The following MDGA2 variants were observed in gnomAD, a reference collection of about 807,000 sequenced individuals.
The protein encoded by MDGA2 is MAM domain containing glycosylphosphatidylinositol anchor 2.
A neutral mutation model predicts 117.8 loss-of-function variants in MDGA2; 40 were observed. That is an observed-to-expected ratio of 0.34 (90% CI 0.26 to 0.44). The LOEUF (loss-of-function observed/expected upper bound fraction) is 0.44, where lower values mean the gene tolerates loss of function less well. Ranked by LOEUF, MDGA2 falls within the 20% of genes least tolerant of loss-of-function variation. The pLI is 1.00. For missense variants in MDGA2, 1,123 were observed against 1,250.6 expected, an observed-to-expected ratio of 0.90 and a Z score of 1.54; for synonymous variants, 452 against 439.0, an observed-to-expected ratio of 1.03 and a Z score of -0.37.
At chr14:47,329,080 T>G (rs1478858778) in intron 1 of MDGA2, among the ~76,000 whole-genome samples, 1 of 152,102 alleles carries the variant, frequency 6.6e-6, no homozygotes, top group Non-Finnish European at 1.5e-5. Flanking sequence ...TGTTATAAAC[T>G]AGGGGGAAAA....
chr14:47,191,660 T>C (rs1885116933), intron 3 of MDGA2, among the ~76,000 whole-genome samples: 1 of 152,084 alleles, frequency 6.6e-6, no homozygotes, highest in Admixed American at 6.6e-5. Context: ...AAGAATAATA[T>C]AAATTTTCCC....
intron 1 of MDGA2, among the ~76,000 whole-genome samples, chr14:47,407,391 G>T (rs985113975): frequency 6.6e-6 from 1 of 152,068 alleles, no homozygotes; most frequent in African/African-American, 2.4e-5. Flanking sequence ...TACTAATAAT[G>T]CAGTAATCAT....
At chr14:47,499,261 G>C (rs1001891979) in intron 1 of MDGA2, among the ~76,000 whole-genome samples, 2 of 152,086 alleles carry the variant, frequency 1.3e-5, no homozygotes, top group East Asian at 3.9e-4. Context: ...CTTAAATCCC[G>C]AGCAAATCTT....
chr14:47,670,309 T>A (rs1285764227), intron 1 of MDGA2, among the ~76,000 whole-genome samples: 2 of 152,210 alleles, frequency 1.3e-5, no homozygotes, highest in Non-Finnish European at 2.9e-5. Context: ...TTGTATTTTG[T>A]TTTTTGTTTG....
chr14:47,653,498 A>T (rs554521740), intron 1 of MDGA2, among the ~76,000 whole-genome samples: 5 of 152,152 alleles, frequency 3.3e-5, no homozygotes, highest in South Asian at 2.1e-4. Flanking sequence ...GAGAAAGCCA[A>T]TGGAAAATGG....
chr14:46,841,984 T>C lies in MDGA2; in HGVS notation c.3025A>G (p.Ile1009Val), dbSNP rs759430906. 7 of 1,612,574 alleles carry C rather than the reference T, an allele frequency of 4.3e-6. No individual in the cohort carries two copies. Among genetic ancestry groups the C allele is most frequent in the Non-Finnish European group, 5.9e-6 (7 of 1,179,084 alleles). The change falls in exon 17 of 17, where the codon ATA becomes GTA. Residue 1009 changes from isoleucine (I) to valine (V), a missense_variant. Coordinates refer to ENST00000399232, the MANE Select transcript of MDGA2 (RefSeq NM_001113498.3). ...VDGAVGILVH[I>V]WLFPIIVLIS... is the part of the protein sequence containing the mutation. ...AGGACGATAATGGGAAAAAGCCATA[T>C]ATGAACCAAAATCCCAACAGCACCA... is the stretch of plus-strand genomic sequence containing the variant.
At chr14:47,300,001 T>C (rs1348266165) in intron 2 of MDGA2, among the ~76,000 whole-genome samples, 2 of 152,204 alleles carry the variant, frequency 1.3e-5, no homozygotes, top group African/African-American at 4.8e-5. Flanking sequence ...TATTTTACCA[T>C]TTCTGTTTTA....
chr14:46,923,843 A>C (rs1026092164), intron 9 of MDGA2, among the ~76,000 whole-genome samples: 2 of 152,090 alleles, frequency 1.3e-5, no homozygotes, highest in African/African-American at 4.8e-5. Flanking sequence ...TCCTTATAAT[A>C]ATCTTGGGCT....
chr14:47,646,406 T>G (rs2138258947), intron 1 of MDGA2, among the ~76,000 whole-genome samples: 1 of 152,224 alleles, frequency 6.6e-6, no homozygotes, highest in African/African-American at 2.4e-5. Context: ...CATATAATTC[T>G]TAGCAGATTT....
chr14:47,014,002 C>A (rs972095744), intron 8 of MDGA2, among the ~76,000 whole-genome samples: 1 of 151,566 alleles, frequency 6.6e-6, no homozygotes, highest in African/African-American at 2.4e-5. Context: ...ACCATGTTGG[C>A]CAGGCTGGTC....
chr14:47,191,585 T>C (rs1885114838), intron 3 of MDGA2, among the ~76,000 whole-genome samples: 1 of 152,050 alleles, frequency 6.6e-6, no homozygotes, highest in African/African-American at 2.4e-5. Context: ...GATTAACTAC[T>C]TTTTCAAACA....
At chr14:46,876,500 C>G (rs540461074) in intron 12 of MDGA2, among the ~76,000 whole-genome samples, 1 of 151,562 alleles carries the variant, frequency 6.6e-6, no homozygotes, top group African/African-American at 2.4e-5. Context: ...AGGATTTTCA[C>G]AAAGATATAG....
At chr14:47,214,566 T>A (rs998540561) in intron 3 of MDGA2, among the ~76,000 whole-genome samples, 2 of 152,104 alleles carry the variant, frequency 1.3e-5, no homozygotes, top group Non-Finnish European at 2.9e-5. Flanking sequence ...TAGAAAATTA[T>A]GTGGGAAAAA....
In MDGA2 at chr14:47,161,927, C is replaced by CTT. The variant is rs71112489; in HGVS notation, c.596-17655_596-17654dup. ...ATTTAAACACCCCCCTCCCCAGATC[C>CTT]TTTTTTTTTTTTTTTTTTTTTTTTT... On this transcript the variant is annotated intron_variant, in intron 3 of 16. Coordinates refer to ENST00000399232, the MANE Select transcript of MDGA2 (RefSeq NM_001113498.3). 6.3e-4 allele frequency among the ~76,000 whole-genome samples: 33 copies of CTT among 52,510 alleles called. 1 individual carries two copies. The highest frequency in any genetic ancestry group is 1.0e-3 in the African/African-American group (13 of 12,722). 34.4% of individuals were successfully genotyped at this position (52,510 alleles called of 152,430 possible). A position where few individuals can be genotyped will look rare whatever the true frequency, so the allele number is the denominator to read the frequency against.
chr14:47,120,706 G>A (rs1189085897), intron 5 of MDGA2, among the ~76,000 whole-genome samples: 1 of 152,180 alleles, frequency 6.6e-6, no homozygotes, highest in Non-Finnish European at 1.5e-5. Context: ...CAGATGTACA[G>A]TTAAAGGTTG....
chr14:47,318,848 A>G (rs1020835549), intron 1 of MDGA2, among the ~76,000 whole-genome samples: 2 of 152,124 alleles, frequency 1.3e-5, no homozygotes, highest in African/African-American at 2.4e-5. Context: ...GAAGTTAAAC[A>G]TAATTCTTGA....
intron 1 of MDGA2, among the ~76,000 whole-genome samples, chr14:47,613,728 G>A (rs142984404): frequency 2.2e-4 from 33 of 152,114 alleles, no homozygotes; most frequent in African/African-American, 6.0e-4. Flanking sequence ...TTCATCACAC[G>A]TGATGACAAT....
chr14:47,371,494 C>T (rs935355415), intron 1 of MDGA2, among the ~76,000 whole-genome samples: 19 of 151,562 alleles, frequency 1.3e-4, no homozygotes, highest in Middle Eastern at 3.2e-3. Flanking sequence ...TCTCCTTACC[C>T]CAGGCACATT....
intron 1 of MDGA2, among the ~76,000 whole-genome samples, chr14:47,407,395 T>G (rs1892280519): frequency 6.6e-6 from 1 of 152,170 alleles, no homozygotes; most frequent in South Asian, 2.1e-4. Context: ...AATAATGCAG[T>G]AATCATTATT....
Sources: allele counts gnomAD v4.1 joint callset (sites outside exome capture counted in the v4.1 genomes callset), GRCh38; gene constraint gnomAD v4.1.1; transcripts MANE v1.5; gene names NCBI Gene and HGNC (gene_info 2026-07-23, HGNC 2026-07-21).